Variants in KDM5A observed in about 807,000 individuals in gnomAD.
KDM5A encodes the protein lysine demethylase 5A, also known as lysine-specific demethylase 5A.
KDM5A carries 42 observed loss-of-function variants against 193.5 expected under a neutral mutation model. The observed-to-expected ratio is 0.22, with a 90% CI of 0.17 to 0.28. The LOEUF is 0.28. KDM5A is among the 10% of genes least tolerant of loss of function. KDM5A has a pLI of 1.00. For synonymous variants in KDM5A, 796 were observed against 718.1 expected (o/e 1.11, Z -1.73); for missense variants, 1,692 against 2,055.1 (o/e 0.82, Z 3.42).
chr12:312,309 A>G (rs1943597449), intron 20 of KDM5A, among the ~76,000 whole-genome samples: 1 of 152,190 alleles, frequency 6.6e-6, no homozygotes, highest in Admixed American at 6.5e-5. Context: ...TTGTACCATA[A>G]GTCCTATTTT....
chr12:339,627 C>T (rs930133206), intron 10 of KDM5A, among the ~76,000 whole-genome samples: 1 of 152,178 alleles, frequency 6.6e-6, no homozygotes, highest in African/African-American at 2.4e-5. Context: ...CAAAATAATT[C>T]CAACAAGTTA....
intron 27 of KDM5A, among the ~76,000 whole-genome samples, 168 bp downstream of exon 27, chr12:292,591 C>T (rs147254422): frequency 6.6e-6 from 1 of 152,344 alleles, no homozygotes; most frequent in African/African-American, 2.4e-5. Context: ...ACTAGGCACA[C>T]TAAGAGCCTC....
rs1405634304 is a variant in KDM5A at position 356,435 on chromosome 12, CTTT to C, written c.772_774del (p.Lys258del). 6.3e-7 allele frequency: 1 copy of C among 1,592,664 alleles called. No individual in the cohort carries two copies. Among genetic ancestry groups the C allele is most frequent in the Non-Finnish European group, 8.6e-7 (1 of 1,160,498 alleles). ...ATGATCAAACAACAAATTTTACCTT[CTTT>C]ATCTTTTGTTCCCATTGCCAAGCCC... On this transcript the variant is annotated inframe_deletion, in exon 6 of 28. Transcript: ENST00000399788.
At chr12:354,759 C>T (rs574402701) in intron 7 of KDM5A, among the ~76,000 whole-genome samples, 2 of 96,480 alleles carry the variant, frequency 2.1e-5, no homozygotes, top group African/African-American at 3.3e-5. Flanking sequence ...AGCAAGACTC[C>T]GTCTCAAAAA....
At chr12:286,355 TTC>T (rs1292838194) in intron 27 of KDM5A, 3 of 356,990 alleles carry the variant, frequency 8.4e-6, no homozygotes, top group African/African-American at 6.5e-5. Context: ...ACTTTGACCC[TTC>T]TGACAATACT....
chr12:289,906 TC>T (rs1943269931), intron 27 of KDM5A, among the ~76,000 whole-genome samples: 3 of 136,900 alleles, frequency 2.2e-5, no homozygotes, highest in East Asian at 2.1e-4. Context: ...TTTCTTTCTT[TC>T]TTTTTTTTTT....
chr12:345,623 C>T (rs150999427), intron 10 of KDM5A, among the ~76,000 whole-genome samples: 339 of 152,240 alleles, frequency 2.2e-3, no homozygotes, highest in Middle Eastern at 3.4e-3. Context: ...AAATCAAAAC[C>T]GCACAACTAC....
chr12:380,165 G>A (rs561727445), intron 3 of KDM5A, among the ~76,000 whole-genome samples: 62 of 152,116 alleles, frequency 4.1e-4, no homozygotes, highest in African/African-American at 1.4e-3. Context: ...CTGCTTCTGA[G>A]GCTGAGTGAG....
chr12:364,994 T>C (rs527369537), intron 4 of KDM5A, among the ~76,000 whole-genome samples: 1 of 152,136 alleles, frequency 6.6e-6, no homozygotes, highest in South Asian at 2.1e-4. Context: ...ATGTGGTATA[T>C]CCATTCAATG....
rs773306710 is a variant in KDM5A, at chr12:307,668, C to T, written c.3716G>A (p.Arg1239Gln). The change falls in exon 23 of 28, where the codon CGG (arginine) becomes CAG (glutamine). Residue 1239 changes from arginine (R) to glutamine (Q), a missense_variant. Physicochemically the swap from Arg to Gln is conservative, Grantham distance 43. Coordinates refer to ENST00000399788, the MANE Select transcript of KDM5A (RefSeq NM_001042603.3). This position sits in a 1 kb window ranked among gnomAD's most constrained non-coding sequence, Gnocchi z 4.3. ...CTGCAGGGCCTCTCCTTCAGGCAAC[C>T]GTACGGGCAACTTCTGAAGGGATAC... Reference protein sequence around the residue: ...LLVSLQKLPVRLPEGEALQCL... With the variant: ...LLVSLQKLPVQLPEGEALQCL... 2.5e-6 allele frequency: 4 copies of T among 1,614,182 alleles called. No individual in the cohort carries two copies. Among genetic ancestry groups the T allele is most frequent in the Admixed American group, 1.7e-5 (1 of 60,016 alleles).
intron 7 of KDM5A, 44 bp from the exon 8 acceptor site, chr12:354,278 T>A (rs2137454841): frequency 7.2e-7 from 1 of 1,394,756 alleles, no homozygotes; most frequent in Non-Finnish European, 9.9e-7. Flanking sequence ...CTATAATAAA[T>A]AATAAATTTT....
rs1943524405 is a variant in KDM5A at position 307,580 on chromosome 12, T to C, written c.3804A>G (p.Glu1268=). 5.0e-6 allele frequency: 8 copies of C among 1,614,100 alleles called. No homozygotes were observed. The highest frequency in any genetic ancestry group is 6.8e-6 in the Non-Finnish European group (8 of 1,180,006). Residue 1268 remains glutamate, a synonymous_variant, in exon 23 of 28, where the codon GAA becomes GAG. Coordinates refer to ENST00000399788, the MANE Select transcript of KDM5A (RefSeq NM_001042603.3). This position sits in a 1 kb window ranked among gnomAD's most constrained non-coding sequence, Gnocchi z 4.3. ...ATAGTTTGGCCAGGGCAGAGGATAG[T>C]TCATCTGTGGCTAGAGCCTGCCGCG... is the stretch of plus-strand genomic sequence containing the variant. ...DRARQALATD[E]LSSALAKLSV...
At chr12:331,670 G>A in intron 13 of KDM5A, 149 bp downstream of exon 13, 1 of 763,584 alleles carries the variant, frequency 1.3e-6, no homozygotes. Context: ...AATCTACTTA[G>A]CTTTCTAAAC....
At chr12:338,407 C>T (rs779838972) in intron 10 of KDM5A, among the ~76,000 whole-genome samples, 3 of 152,214 alleles carry the variant, frequency 2.0e-5, no homozygotes, top group Non-Finnish European at 2.9e-5. Context: ...ACACTTTACA[C>T]GTGTTGCCAT....
intron 3 of KDM5A, among the ~76,000 whole-genome samples, chr12:368,284 T>G (rs906465348): frequency 6.6e-6 from 1 of 152,152 alleles, no homozygotes; most frequent in Non-Finnish European, 1.5e-5. Context: ...AACTATATAG[T>G]GGTGATAACT....
chr12:373,956 A>G (rs1328837920), intron 3 of KDM5A, among the ~76,000 whole-genome samples: 2 of 152,056 alleles, frequency 1.3e-5, no homozygotes, highest in Non-Finnish European at 2.9e-5. Context: ...AGTTTGTTAT[A>G]ATTTCTGGTC....
intron 10 of KDM5A, among the ~76,000 whole-genome samples, chr12:349,714 T>C (rs201373142): frequency 6.1e-5 from 9 of 146,436 alleles, no homozygotes; most frequent in East Asian, 2.0e-4. Context: ...TTTTTTTTCC[T>C]TTTTTTTAAG....
In KDM5A at chr12:389,074, C is replaced by T. The variant is rs1391870382; in HGVS notation, c.18G>A (p.Pro6=). 6.2e-7 allele frequency: 1 copy of T among 1,608,736 alleles called. No individual in the cohort carries two copies. The highest frequency in any genetic ancestry group is 8.5e-7 in the Non-Finnish European group (1 of 1,178,450). Residue 6 remains proline (P), a synonymous_variant, in exon 1 of 28, where the codon CCG becomes CCA. Coordinates refer to ENST00000399788, the MANE Select transcript of KDM5A (RefSeq NM_001042603.3). MAGVG[P]GGYAAEFVPP... ...GCACGAACTCCGCCGCGTAGCCCCCCGGCCCCACGCCCGCCATTGCAACGG... is the reference window on the plus strand; with the variant it reads ...GCACGAACTCCGCCGCGTAGCCCCCTGGCCCCACGCCCGCCATTGCAACGG...
intron 14 of KDM5A, among the ~76,000 whole-genome samples, chr12:324,338 T>G (rs1212500483): frequency 6.6e-6 from 1 of 152,066 alleles, no homozygotes; most frequent in African/African-American, 2.4e-5. Context: ...TCAAGACAGT[T>G]TTTTGAGAGA....
Sources: gnomAD v4.1 joint callset for allele counts (sites outside exome capture counted in the v4.1 genomes callset) on GRCh38, gnomAD v4.1.1 for gene constraint, Gnocchi (gnomAD v3.1) non-coding constraint, MANE v1.5 for transcripts, NCBI Gene and HGNC (gene_info 2026-07-23, HGNC 2026-07-21) for gene names.